Variants in PHACTR3 observed in about 807,000 individuals in gnomAD.
PHACTR3 encodes phosphatase and actin regulator 3, also known as protein phosphatase 1, regulatory subunit 123.
PHACTR3 carries 16 observed loss-of-function variants against 66.8 expected under a neutral mutation model. The observed-to-expected ratio is 0.24, with a 90% CI of 0.16 to 0.36. The LOEUF (loss-of-function observed/expected upper bound fraction) is 0.36, where lower values mean the gene tolerates loss of function less well. PHACTR3 is among the 10% of genes least tolerant of loss of function. The pLI is 1.00. For missense variants in PHACTR3, 647 were observed against 719.9 expected (o/e 0.90, Z 1.16); for synonymous variants, 323 against 292.1 (o/e 1.11, Z -1.08).
chr20:59,826,593 T>G (rs1415451418), intron 8 of PHACTR3, among the ~76,000 whole-genome samples: 2 of 151,760 alleles, frequency 1.3e-5, no homozygotes, highest in Non-Finnish European at 2.9e-5. Context: ...TCACACCTGC[T>G]CTCTCTGTAC....
At chr20:59,740,144 AT>A (rs1437137957) in intron 1 of PHACTR3, among the ~76,000 whole-genome samples, 1 of 152,152 alleles carries the variant, frequency 6.6e-6, no homozygotes, top group Non-Finnish European at 1.5e-5. Flanking sequence ...AGAAATTATT[AT>A]AATATAAATT....
chr20:59,779,858 G>A (rs2040664591), intron 7 of PHACTR3, among the ~76,000 whole-genome samples: 3 of 152,242 alleles, frequency 2.0e-5, no homozygotes, highest in South Asian at 4.1e-4. Flanking sequence ...CGGTGGGTGA[G>A]CAGGGCCTTG....
At position 59,623,271 on chromosome 20, in the gene PHACTR3, T is replaced by C. The variant is rs560095223; in HGVS notation, c.118+18139T>C. ...CATGGATCAGGCTTGGTCCAGCCCGTGTTATGACCTTCCAGCTGTCTGCTT... is the reference window on the plus strand; with the variant it reads ...CATGGATCAGGCTTGGTCCAGCCCGCGTTATGACCTTCCAGCTGTCTGCTT... On this transcript the variant is annotated intron_variant, in intron 1 of 12. Transcript: ENST00000371015. Among the ~76,000 whole-genome samples the C allele has an allele frequency of 5.3e-4, 81 of 152,034 alleles. 2 individuals carry two copies. The South Asian group carries it at 0.016, about 30-fold the overall frequency.
intron 1 of PHACTR3, among the ~76,000 whole-genome samples, chr20:59,617,028 A>G (rs1169769078): frequency 6.6e-6 from 1 of 152,114 alleles, no homozygotes; most frequent in Non-Finnish European, 1.5e-5. Context: ...CAGTGTTGAC[A>G]TTTTAATGTG....
intron 1 of PHACTR3, among the ~76,000 whole-genome samples, chr20:59,634,253 C>A (rs2034771234): frequency 6.6e-6 from 1 of 152,200 alleles, no homozygotes; most frequent in African/African-American, 2.4e-5. Flanking sequence ...AGTGCAGCCT[C>A]TGAAATCAGG....
intron 1 of PHACTR3, among the ~76,000 whole-genome samples, chr20:59,689,679 G>T (rs1375996543): frequency 1.3e-5 from 2 of 152,160 alleles, no homozygotes; most frequent in Non-Finnish European, 2.9e-5. Context: ...GCCTTGCCAG[G>T]GATCCCAAAG....
rs757206202 is a variant in PHACTR3 at position 59,841,388 on chromosome 20, A to C, written c.1447-7A>C. 1 of 1,608,802 alleles carries C rather than the reference A, an allele frequency of 6.2e-7. No individual in the cohort carries two copies. Among genetic ancestry groups the C allele is most frequent in the Non-Finnish European group, 8.5e-7 (1 of 1,177,276 alleles). On this transcript the variant is annotated splice_polypyrimidine_tract_variant and splice_region_variant and intron_variant, in intron 10 of 12. Coordinates refer to ENST00000371015, the MANE Select transcript of PHACTR3 (RefSeq NM_080672.5). ...TGATACTTAACTATGATGATCTTTAATTTTAGCTTAATCAGAGACCCACTG... is the reference window on the plus strand; with the variant it reads ...TGATACTTAACTATGATGATCTTTACTTTTAGCTTAATCAGAGACCCACTG...
At chr20:59,672,884 C>T (rs2036241856) in intron 1 of PHACTR3, among the ~76,000 whole-genome samples, 1 of 152,140 alleles carries the variant, frequency 6.6e-6, no homozygotes, top group Admixed American at 6.5e-5. Context: ...GTGGGAAGAG[C>T]CTTGGGGGCT....
chr20:59,723,497 C>A (rs1189876821), intron 1 of PHACTR3, among the ~76,000 whole-genome samples: 1 of 152,154 alleles, frequency 6.6e-6, no homozygotes, highest in Non-Finnish European at 1.5e-5. Context: ...TTTATCCATT[C>A]ATCCGTTGAT....
chr20:59,814,383 G>A (rs910484449), intron 8 of PHACTR3, among the ~76,000 whole-genome samples: 6 of 152,214 alleles, frequency 3.9e-5, no homozygotes, highest in African/African-American at 1.4e-4. Flanking sequence ...CAATGGTGGA[G>A]AGGGAATCCA....
At chr20:59,650,938 G>GC (rs888608917) in intron 1 of PHACTR3, among the ~76,000 whole-genome samples, 2 of 151,866 alleles carry the variant, frequency 1.3e-5, no homozygotes, top group Non-Finnish European at 2.9e-5. Context: ...ATAATGTTTT[G>GC]TTTTTTTCTT....
chr20:59,645,491 A>G (rs901180172), intron 1 of PHACTR3, among the ~76,000 whole-genome samples: 3 of 151,914 alleles, frequency 2.0e-5, no homozygotes, highest in East Asian at 1.9e-4. Context: ...TCCGCCCCAC[A>G]CTGCCCTCCC....
At chr20:59,789,202 G>C (rs2041016823) in intron 7 of PHACTR3, among the ~76,000 whole-genome samples, 1 of 152,188 alleles carries the variant, frequency 6.6e-6, no homozygotes, top group Non-Finnish European at 1.5e-5. Flanking sequence ...CAGGGTGCAG[G>C]GAGGTGGCCT....
At chr20:59,831,465 G>C (rs2042375499) in intron 8 of PHACTR3, among the ~76,000 whole-genome samples, 1 of 152,180 alleles carries the variant, frequency 6.6e-6, no homozygotes, top group Non-Finnish European at 1.5e-5. Flanking sequence ...CCACACTCAG[G>C]CTTTCTCAGT....
chr20:59,629,338 C>G (rs1225863645), intron 1 of PHACTR3, among the ~76,000 whole-genome samples: 2 of 152,250 alleles, frequency 1.3e-5, no homozygotes, highest in Non-Finnish European at 2.9e-5. Context: ...CAGGAAGGCC[C>G]TGGCTGCCTG....
chr20:59,644,178 C>T (rs925896891), intron 1 of PHACTR3, among the ~76,000 whole-genome samples: 10 of 152,154 alleles, frequency 6.6e-5, no homozygotes, highest in Non-Finnish European at 1.3e-4. Context: ...CTGCAGTGTG[C>T]GACAAGAGCT....
chr20:59,621,231 C>A (rs1196356635), intron 1 of PHACTR3, among the ~76,000 whole-genome samples: 1 of 152,242 alleles, frequency 6.6e-6, no homozygotes, highest in Admixed American at 6.5e-5. Flanking sequence ...TCCTTGCAGA[C>A]CCCTGTGCAG....
chr20:59,650,919 A>G (rs557410568), intron 1 of PHACTR3, among the ~76,000 whole-genome samples: 6 of 152,194 alleles, frequency 3.9e-5, no homozygotes, highest in African/African-American at 1.4e-4. Context: ...GGAGGCTTAC[A>G]TTTGATCTAT....
At chr20:59,634,694 C>T (rs185995252) in intron 1 of PHACTR3, among the ~76,000 whole-genome samples, 6 of 152,298 alleles carry the variant, frequency 3.9e-5, no homozygotes, top group Non-Finnish European at 7.4e-5. Context: ...TTTATCTTCT[C>T]GGGTCTCCTT....
Sources: allele counts gnomAD v4.1 joint callset (sites outside exome capture counted in the v4.1 genomes callset), GRCh38; gene constraint gnomAD v4.1.1; transcripts MANE v1.5; gene names NCBI Gene and HGNC (gene_info 2026-07-23, HGNC 2026-07-21).